Variants in MATR3 observed in about 807,000 individuals in gnomAD.
The protein encoded by MATR3 is matrin-3.
In MATR3, 4 loss-of-function variants were observed where a neutral mutation model predicts 85.5. The observed-to-expected ratio is 0.05, with a 90% CI of 0.02 to 0.11. The LOEUF (loss-of-function observed/expected upper bound fraction) is 0.11, where lower values mean the gene tolerates loss of function less well. Among genes scored for constraint, MATR3 ranks in the 10% least tolerant of loss-of-function variants. The probability of loss-of-function intolerance (pLI) is 1.00; values close to 1 mark genes in which losing one functional copy is unlikely to be tolerated. For missense variants in MATR3, 685 were observed against 1,016.1 expected (o/e 0.67, Z 4.43); for synonymous variants, 336 against 343.1 (o/e 0.98, Z 0.23).
chr5:139,307,321 A>C lies in MATR3; in HGVS notation c.-95A>C, dbSNP rs1239382504. On this transcript the variant is annotated 5_prime_UTR_variant, in exon 2 of 15. Transcript: ENST00000394805. This position sits in a 1 kb window ranked among gnomAD's most constrained non-coding sequence, Gnocchi z 4.4. ...CTTGGCGTTACCATTTTTGAAGCAAAGTTAACCTAGCTTTCTAGTTTGAGC... is the reference window on the plus strand; with the variant it reads ...CTTGGCGTTACCATTTTTGAAGCAACGTTAACCTAGCTTTCTAGTTTGAGC... 19 of 1,509,420 alleles carry C rather than the reference A, an allele frequency of 1.3e-5. No individual in the cohort carries two copies. The highest frequency in any genetic ancestry group is 5.3e-6 in the Non-Finnish European group (6 of 1,139,504). 93.5% of individuals were successfully genotyped at this position (1,509,420 alleles called of 1,614,324 possible). A position where few individuals can be genotyped will look rare whatever the true frequency, so the allele number is the denominator to read the frequency against.
chr5:139,302,391 C>T (rs753226755), intron 1 of MATR3, among the ~76,000 whole-genome samples: 34 of 152,220 alleles, frequency 2.2e-4, no homozygotes, highest in Middle Eastern at 3.4e-3. Context: ...TGTAGTTCTT[C>T]AGCATACTTC....
intron 10 of MATR3, 128 bp from the exon 11 acceptor site, chr5:139,322,335 G>C: frequency 1.1e-6 from 1 of 900,332 alleles, no homozygotes. Flanking sequence ...GGCAGCTTAG[G>C]TTCTCAAATA....
intron 9 of MATR3, among the ~76,000 whole-genome samples, chr5:139,319,855 A>T (rs1192345616): frequency 8.3e-5 from 9 of 107,948 alleles, no homozygotes; most frequent in South Asian, 3.0e-4. Flanking sequence ...AAAAAAAAAA[A>T]TTTGCTTTTT....
chr5:139,316,799 G>T (rs947769680), intron 5 of MATR3, among the ~76,000 whole-genome samples: 7 of 152,090 alleles, frequency 4.6e-5, no homozygotes, highest in African/African-American at 1.4e-4. Context: ...GATCTGCTCA[G>T]CCTCCCAAAG....
At chr5:139,324,417 A>AG (rs1175348560) in intron 12 of MATR3, among the ~76,000 whole-genome samples, 1 of 151,470 alleles carries the variant, frequency 6.6e-6, no homozygotes, top group Non-Finnish European at 1.5e-5. Context: ...CAGCCTCCCA[A>AG]GTAGCTGGGA....
intron 2 of MATR3, chr5:139,313,511 G>A (rs1206878850): frequency 6.6e-6 from 1 of 152,040 alleles, no homozygotes; most frequent in Admixed American, 6.6e-5. Context: ...CAGTCTAATA[G>A]CAGAGCCCAC....
At position 139,308,405 on chromosome 5, in the gene MATR3, G is replaced by A. The variant is rs3763017; in HGVS notation, c.912+78G>A. On this transcript the variant is annotated intron_variant, in intron 2 of 14. Coordinates refer to ENST00000394805, the MANE Select transcript of MATR3 (RefSeq NM_018834.6). ...TACCTATATCTTTGACTCTAATTCT[G>A]TAGTCTGATGACATTGAGTTGATCA... 1,398 of 1,515,778 alleles carry A rather than the reference G, an allele frequency of 9.2e-4. 20 individuals are homozygous for A. In the East Asian group the frequency reaches 0.026, roughly 28 times the overall value. 93.9% of individuals were successfully genotyped at this position (1,515,778 alleles called of 1,614,324 possible).
intron 1 of MATR3, among the ~76,000 whole-genome samples, chr5:139,296,388 A>G (rs772285469): frequency 3.3e-5 from 5 of 152,180 alleles, no homozygotes; most frequent in Non-Finnish European, 7.4e-5. Flanking sequence ...CAATGTAAAC[A>G]TGAAAATAGA....
rs1217122051 is a variant in MATR3, at chr5:139,330,456, G to A, written c.*1061G>A. ...ATGTTAACCAACGTATTTGTCAGTT[G>A]TGGTTTTTATTCGCTCTTAAACTTT... On this transcript the variant is annotated 3_prime_UTR_variant, in exon 15 of 15. Transcript: ENST00000394805. 3 of 454,304 alleles carry A rather than the reference G, an allele frequency of 6.6e-6. No homozygotes were observed. The highest frequency in any genetic ancestry group is 2.0e-5 in the African/African-American group (1 of 50,018). The allele number at this position is 454,304 out of a possible 1,614,324, so 28.1% of individuals were successfully genotyped here. A position where few individuals can be genotyped will look rare whatever the true frequency, so the allele number is the denominator to read the frequency against.
intron 7 of MATR3, 103 bp downstream of exon 7, chr5:139,317,824 C>T (rs1309562299): frequency 3.4e-6 from 4 of 1,187,994 alleles, no homozygotes; most frequent in Non-Finnish European, 4.8e-6. Context: ...TCAAGGTAAT[C>T]TTAAGTTTAT....
intron 3 of MATR3, among the ~76,000 whole-genome samples, chr5:139,284,430 C>T (rs567263196): frequency 1.0e-3 from 159 of 152,026 alleles, no homozygotes; most frequent in African/African-American, 3.5e-3. Flanking sequence ...GGTGAAACCC[C>T]GTCTCTACAA....
intron 1 of MATR3, among the ~76,000 whole-genome samples, chr5:139,296,175 C>G (rs1754139004): frequency 1.3e-5 from 2 of 152,070 alleles, no homozygotes; most frequent in Non-Finnish European, 2.9e-5. Context: ...AATTTAATAT[C>G]AGTTATTAAG....
intron 14 of MATR3, among the ~76,000 whole-genome samples, chr5:139,327,228 T>C (rs144449809): frequency 4.1e-4 from 62 of 152,228 alleles, no homozygotes; most frequent in African/African-American, 1.4e-3. Flanking sequence ...ATTAGATATG[T>C]TCTCTGTTGA....
intron 12 of MATR3, among the ~76,000 whole-genome samples, chr5:139,323,754 C>T (rs547123487): frequency 5.2e-4 from 79 of 152,166 alleles, no homozygotes; most frequent in African/African-American, 6.3e-4. Flanking sequence ...ATTAGCCGGG[C>T]GTGGTGGCAC....
At chr5:139,321,855 T>TA in intron 9 of MATR3, 43 bp from the exon 10 acceptor site, 1 of 1,598,816 alleles carries the variant, frequency 6.3e-7, no homozygotes, top group Non-Finnish European at 8.5e-7. Flanking sequence ...TACAATTTTG[T>TA]AAAATATAAT....
At chr5:139,301,635 T>A (rs887401894) in intron 1 of MATR3, among the ~76,000 whole-genome samples, 6 of 152,146 alleles carry the variant, frequency 3.9e-5, no homozygotes, top group Admixed American at 3.3e-4. Flanking sequence ...AATGGAGCCT[T>A]GAAAGAAATC....
At chr5:139,287,356 C>A (rs566809073) in intron 3 of MATR3, among the ~76,000 whole-genome samples, 1 of 152,324 alleles carries the variant, frequency 6.6e-6, no homozygotes, top group East Asian at 1.9e-4. Context: ...AGGAGGCTCA[C>A]GCCTGTAATC....
At position 139,321,849 on chromosome 5, in the gene MATR3, A is replaced by AT. The variant is rs758454736; in HGVS notation, c.1603-45dup. 1.9e-6 allele frequency: 3 copies of AT among 1,591,984 alleles called. No homozygotes were observed. In the Admixed American group the frequency reaches 5.2e-5, roughly 27 times the overall value. On this transcript the variant is annotated intron_variant, in intron 9 of 14. Coordinates refer to ENST00000394805, the MANE Select transcript of MATR3 (RefSeq NM_018834.6). ...AGAATACATAATAAGGTTTTATACAATTTTGTAAAATATAATGTGCTTTGT... is the reference window on the plus strand; with the variant it reads ...AGAATACATAATAAGGTTTTATACAATTTTTGTAAAATATAATGTGCTTTGT...
At chr5:139,285,168 C>G (rs1221248771) in intron 3 of MATR3, 1 of 152,192 alleles carries the variant, frequency 6.6e-6, no homozygotes, top group African/African-American at 2.4e-5. Context: ...AATCATCAAC[C>G]TCGTTCAATC....
Sources: allele counts gnomAD v4.1 joint callset (sites outside exome capture counted in the v4.1 genomes callset), GRCh38; gene constraint gnomAD v4.1.1; non-coding constraint Gnocchi (gnomAD v3.1); transcripts MANE v1.5; gene names NCBI Gene and HGNC (gene_info 2026-07-23, HGNC 2026-07-21).